ACER3: variants seen among roughly 807,000 people sequenced by gnomAD.
ACER3 encodes the protein alkCDase 3.
A neutral mutation model predicts 48.9 loss-of-function variants in ACER3; 16 were observed. That is an observed-to-expected ratio of 0.33 (90% CI 0.22 to 0.50). ACER3 has a LOEUF of 0.50. Ranked by LOEUF, ACER3 falls within the 20% of genes least tolerant of loss-of-function variation. The pLI is 0.98. For synonymous variants in ACER3, 109 were observed against 107.8 expected (o/e 1.01, Z -0.07); for missense variants, 227 against 326.0 (o/e 0.70, Z 2.34).
At chr11:76,919,689 A>G (rs1267563885) in intron 1 of ACER3, among the ~76,000 whole-genome samples, 2 of 152,180 alleles carry the variant, frequency 1.3e-5, no homozygotes, top group African/African-American at 4.8e-5. Context: ...CTCAAATCCA[A>G]TTAAACTCTT....
intron 2 of ACER3, among the ~76,000 whole-genome samples, chr11:76,950,095 G>T (rs1292770482): frequency 1.3e-5 from 2 of 151,854 alleles, no homozygotes; most frequent in African/African-American, 4.8e-5. Flanking sequence ...AGGATCAGAT[G>T]ACTTTTCTGC....
At chr11:76,889,541 C>G (rs1336543563) in intron 1 of ACER3, among the ~76,000 whole-genome samples, 1 of 152,150 alleles carries the variant, frequency 6.6e-6, no homozygotes, top group African/African-American at 2.4e-5. Context: ...AGTATTAGCA[C>G]ACATGGAAAT....
chr11:76,915,376 G>A (rs1175410592), intron 1 of ACER3, among the ~76,000 whole-genome samples: 1 of 151,954 alleles, frequency 6.6e-6, no homozygotes, highest in Non-Finnish European at 1.5e-5. Flanking sequence ...CGCGCAGTGT[G>A]TTCAGGGAGT....
intron 4 of ACER3, among the ~76,000 whole-genome samples, chr11:76,984,201 A>G (rs1399521830): frequency 6.6e-6 from 1 of 152,228 alleles, no homozygotes; most frequent in Non-Finnish European, 1.5e-5. Context: ...ATACAGAATC[A>G]GGAACTCATT....
chr11:76,889,425 C>A (rs1409339914), intron 1 of ACER3, among the ~76,000 whole-genome samples: 1 of 151,998 alleles, frequency 6.6e-6, no homozygotes, highest in Non-Finnish European at 1.5e-5. Context: ...TGCTTAATAG[C>A]TATTTCTTTG....
Position 76,924,973 on chromosome 11 carries a change from C to CAAAAAA in ACER3, c.104-1569_104-1564dup, listed in dbSNP as rs57093609. ...CCTGGGCAACAGAGGAAGACTCTGT[C>CAAAAAA]AAAAAAAAAAAAAAAAAAAACACCA... On this transcript the variant is annotated intron_variant, in intron 1 of 10. Transcript: ENST00000532485. Among the ~76,000 whole-genome samples, 689 of 77,526 alleles carry CAAAAAA rather than the reference C, an allele frequency of 8.9e-3. 26 individuals are homozygous for CAAAAAA. Among genetic ancestry groups the CAAAAAA allele is most frequent in the African/African-American group, 0.018 (494 of 27,762 alleles). 50.9% of individuals were successfully genotyped at this position (77,526 alleles called of 152,430 possible). A position where few individuals can be genotyped will look rare whatever the true frequency, so the allele number is the denominator to read the frequency against.
intron 2 of ACER3, among the ~76,000 whole-genome samples, chr11:76,949,320 A>G (rs900696715): frequency 1.3e-5 from 2 of 152,296 alleles, no homozygotes; most frequent in Admixed American, 1.3e-4. Flanking sequence ...GGACATGACC[A>G]TATGGGGAAA....
rs192146457 is a variant in ACER3, at chr11:76,932,052, G to A, written c.214+5385G>A. ...CAGCCTCAACCTCCCAGGTGCAAGC[G>A]ATCCTCCTACCTTAGCCTCCCAAGT... On this transcript the variant is annotated intron_variant, in intron 2 of 10. Transcript: ENST00000532485. 2.2e-3 allele frequency among the ~76,000 whole-genome samples: 335 copies of A among 149,700 alleles called. 1 individual carries two copies. The highest frequency in any genetic ancestry group is 7.8e-3 in the African/African-American group (318 of 40,876).
chr11:76,926,919 T>G (rs984846367), intron 2 of ACER3, among the ~76,000 whole-genome samples: 1 of 152,188 alleles, frequency 6.6e-6, no homozygotes, highest in African/African-American at 2.4e-5. Flanking sequence ...CCACACATCT[T>G]ACTACCCAGT....
chr11:76,937,102 T>TA (rs1293020825), intron 2 of ACER3, among the ~76,000 whole-genome samples: 47 of 152,146 alleles, frequency 3.1e-4, no homozygotes, highest in Admixed American at 2.8e-3. Context: ...AAGAAAGATA[T>TA]AAAAAATAGC....
chr11:76,893,337 TCCAG>T (rs1449779743), intron 1 of ACER3, among the ~76,000 whole-genome samples: 1 of 151,908 alleles, frequency 6.6e-6, no homozygotes, highest in Non-Finnish European at 1.5e-5. Flanking sequence ...GCCACTCTAC[TCCAG>T]CCTGGGTGAC....
chr11:76,967,636 C>T lies in ACER3; in HGVS notation c.267+8605C>T, dbSNP rs1948173291. Among the ~76,000 whole-genome samples the T allele has an allele frequency of 6.0e-5, 9 of 150,350 alleles. No individual in the cohort carries two copies. In the South Asian group the frequency reaches 1.9e-3, roughly 32 times the overall value. On this transcript the variant is annotated intron_variant, in intron 3 of 10. Transcript: ENST00000532485. ...TCCCTGGGATGCAAGGCTGGTTCAACATAGGCAAATCAATAAACGTAATCC... is the reference window on the plus strand; with the variant it reads ...TCCCTGGGATGCAAGGCTGGTTCAATATAGGCAAATCAATAAACGTAATCC...
chr11:76,875,104 C>CTTT (rs1403847569), intron 1 of ACER3, among the ~76,000 whole-genome samples: 5 of 50,498 alleles, frequency 9.9e-5, no homozygotes, highest in Non-Finnish European at 2.2e-4. Context: ...ATGAAAAGCA[C>CTTT]TTCTTTTTTT....
intron 1 of ACER3, among the ~76,000 whole-genome samples, chr11:76,870,830 TAAAAC>T (rs1352275355): frequency 6.6e-6 from 1 of 152,210 alleles, no homozygotes; most frequent in East Asian, 1.9e-4. Context: ...TGCATTGATA[TAAAAC>T]AAAACAGCAT....
At chr11:76,957,161 A>G (rs1249107828) in intron 2 of ACER3, among the ~76,000 whole-genome samples, 1 of 152,136 alleles carries the variant, frequency 6.6e-6, no homozygotes, top group East Asian at 1.9e-4. Context: ...TGTCTCTTCC[A>G]TTAGACTATA....
At chr11:76,971,475 G>T (rs1246076600) in intron 3 of ACER3, among the ~76,000 whole-genome samples, 1 of 151,988 alleles carries the variant, frequency 6.6e-6, no homozygotes, top group Non-Finnish European at 1.5e-5. Flanking sequence ...GGGAGGCAGA[G>T]GTTGCAGTGA....
intron 1 of ACER3, among the ~76,000 whole-genome samples, chr11:76,865,894 G>A (rs906018998): frequency 6.7e-6 from 1 of 150,200 alleles, no homozygotes; most frequent in African/African-American, 2.5e-5. Flanking sequence ...TTGGCTCACT[G>A]CAACCTGTGC....
At chr11:76,914,088 T>G (rs564203281) in intron 1 of ACER3, among the ~76,000 whole-genome samples, 1 of 152,184 alleles carries the variant, frequency 6.6e-6, no homozygotes, top group African/African-American at 2.4e-5. Context: ...CCTAAAACCA[T>G]AAAAACCCTG....
chr11:76,890,938 C>T (rs1353377127), intron 1 of ACER3, among the ~76,000 whole-genome samples: 1 of 151,888 alleles, frequency 6.6e-6, no homozygotes, highest in East Asian at 1.9e-4. Flanking sequence ...GCCAATATGA[C>T]AAAACCCTGT....
Sources: gnomAD v4.1 joint callset for allele counts (sites outside exome capture counted in the v4.1 genomes callset) on GRCh38, gnomAD v4.1.1 for gene constraint, MANE v1.5 for transcripts, NCBI Gene and HGNC (gene_info 2026-07-23, HGNC 2026-07-21) for gene names.